SPTBN2: variants seen among roughly 807,000 people sequenced by gnomAD.
SPTBN2 encodes the protein spectrin beta chain, non-erythrocytic 2.
In SPTBN2, 107 loss-of-function variants were observed where a neutral mutation model predicts 284.2. That is an observed-to-expected ratio of 0.38 (90% CI 0.32 to 0.44). The LOEUF is 0.44. Ranked by LOEUF, SPTBN2 falls within the 20% of genes least tolerant of loss-of-function variation. The pLI, the probability that SPTBN2 is intolerant of heterozygous loss-of-function variation, is 1.00. For synonymous variants in SPTBN2, 1,289 were observed against 1,354.8 expected, an observed-to-expected ratio of 0.95 and a Z score of 1.07; for missense variants, 2,569 against 3,287.1, an observed-to-expected ratio of 0.78 and a Z score of 5.34.
At position 66,692,618 on chromosome 11, in the gene SPTBN2, A is replaced by G; in HGVS notation, c.5108T>C (p.Leu1703Pro). ...CTGGATCCACTGTTCCAGGTCATCC[A>G]GCTCGCGGCGGAGCTGGCACAGCCG... ...HLRLCQLRRE[L>P]DDLEQWIQER... Residue 1703 changes from leucine to proline, a missense_variant, in exon 26 of 38, where the codon CTG becomes CCG. By Grantham distance (98) the Leu-to-Pro change is moderately conservative (BLOSUM62 -3). This residue lies in a region of SPTBN2 where 1,130 missense variants were observed against 1,317.3 expected (regional missense o/e 0.86). Transcript: ENST00000533211. The G allele has an allele frequency of 6.2e-7, 1 of 1,606,552 alleles. No individual in the cohort carries two copies. The highest frequency in any genetic ancestry group is 1.1e-5 in the South Asian group (1 of 91,078).
chr11:66,695,147 G>A (rs1280294559), intron 21 of SPTBN2, among the ~76,000 whole-genome samples: 5 of 151,874 alleles, frequency 3.3e-5, no homozygotes, highest in African/African-American at 1.2e-4. Flanking sequence ...CAACCCCAGA[G>A]GTGTCAGCTG....
In SPTBN2 at chr11:66,691,541, C is replaced by T. The variant is rs372114770; in HGVS notation, c.5308G>A (p.Ala1770Thr). 3 of 1,613,150 alleles carry T rather than the reference C, an allele frequency of 1.9e-6. No individual in the cohort carries two copies. Among genetic ancestry groups the T allele is most frequent in the African/African-American group, 2.7e-5 (2 of 75,080 alleles). ...GLIAGGHAARATVAEWKDSLN... is the reference protein window; with the variant it reads ...GLIAGGHAARTTVAEWKDSLN... ...CTGTCCTTCCACTCGGCCACGGTGGCCCGTGCAGCATGGCCCCCAGCAATG... is the reference window on the plus strand; with the variant it reads ...CTGTCCTTCCACTCGGCCACGGTGGTCCGTGCAGCATGGCCCCCAGCAATG... The change falls in exon 27 of 38, where the codon GCC (alanine) becomes ACC (threonine). Residue 1770 changes from alanine (A) to threonine (T), a missense_variant. Coordinates refer to ENST00000533211, the MANE Select transcript of SPTBN2 (RefSeq NM_006946.4). The surrounding 1 kb of genome is among the most constrained non-coding windows in gnomAD (Gnocchi z 8.0).
upstream of SPTBN2, among the ~76,000 whole-genome samples, chr11:66,732,345 A>G (rs541687552): frequency 6.6e-6 from 1 of 152,316 alleles, no homozygotes; most frequent in African/African-American, 2.4e-5. Flanking sequence ...CACATGGTGT[A>G]CATAGGAAAT....
intron 21 of SPTBN2, 69 bp from the exon 22 acceptor site, chr11:66,694,432 A>G (rs1347257749): frequency 2.7e-6 from 4 of 1,480,144 alleles, no homozygotes; most frequent in African/African-American, 1.4e-5. Flanking sequence ...AGAGACACCA[A>G]CCAGTCTCTA....
Position 66,693,964 on chromosome 11 carries a change from G to A in SPTBN2, c.4504-103C>T, listed in dbSNP as rs1389378595. On this transcript the variant is annotated intron_variant, in intron 22 of 37. Coordinates refer to ENST00000533211, the MANE Select transcript of SPTBN2 (RefSeq NM_006946.4). The surrounding 1 kb of genome is among the most constrained non-coding windows in gnomAD (Gnocchi z 5.7). ...ACCTGGGGCTACCGCCCTGTGTGTG[G>A]GGAACAGTCATCTCTGGTTCTGGGA... 17 of 1,325,028 alleles carry A rather than the reference G, an allele frequency of 1.3e-5. No individual in the cohort carries two copies. The highest frequency in any genetic ancestry group is 1.7e-5 in the Non-Finnish European group (16 of 946,930). The allele number at this position is 1,325,028 out of a possible 1,614,324, so 82.1% of individuals were successfully genotyped here. A position where few individuals can be genotyped will look rare whatever the true frequency, so the allele number is the denominator to read the frequency against.
At chr11:66,727,335 T>C (rs1461874607) in intron 1 of SPTBN2, among the ~76,000 whole-genome samples, 1 of 152,186 alleles carries the variant, frequency 6.6e-6, no homozygotes, top group Admixed American at 6.5e-5. Context: ...GCGTTGGAAC[T>C]GTGGCTGCTC....
At chr11:66,686,473 G>A in intron 36 of SPTBN2, 33 bp from the exon 37 acceptor site, 1 of 1,613,170 alleles carries the variant, frequency 6.2e-7, no homozygotes, top group Non-Finnish European at 8.5e-7. Context: ...GGGCAGAGCT[G>A]AGAATCCGGA....
intron 15 of SPTBN2, 123 bp from the exon 16 acceptor site, chr11:66,701,844 G>T: frequency 1.5e-6 from 2 of 1,374,272 alleles, no homozygotes; most frequent in Non-Finnish European, 2.0e-6. Context: ...ATCTGCAGGA[G>T]TCTCTCTGCC....
At position 66,708,401 on chromosome 11, in the gene SPTBN2, C is replaced by T. The variant is rs982533344; in HGVS notation, c.1192-102G>A. On this transcript the variant is annotated intron_variant, in intron 11 of 37. Coordinates refer to ENST00000533211, the MANE Select transcript of SPTBN2 (RefSeq NM_006946.4). This position sits in a 1 kb window ranked among gnomAD's most constrained non-coding sequence, Gnocchi z 4.4. The stretch of plus-strand genomic sequence containing the variant: ...CCATGGAAGCTCGGTCTGGTGGATC[C>T]GTGGAATGCAGTGGGTGAGACGCCT... 8.9e-6 allele frequency: 11 copies of T among 1,231,976 alleles called. No homozygotes were observed. Among genetic ancestry groups the T allele is most frequent in the Admixed American group, 8.4e-5 (3 of 35,740 alleles). 76.3% of individuals were successfully genotyped at this position (1,231,976 alleles called of 1,614,324 possible). A position where few individuals can be genotyped will look rare whatever the true frequency, so the allele number is the denominator to read the frequency against.
chr11:66,685,860 C>T lies in SPTBN2; in HGVS notation c.*11G>A. The T allele has an allele frequency of 1.2e-6, 2 of 1,612,632 alleles. No individual in the cohort carries two copies. The highest frequency in any genetic ancestry group is 1.7e-6 in the Non-Finnish European group (2 of 1,179,252). On this transcript the variant is annotated 3_prime_UTR_variant, in exon 38 of 38. Transcript: ENST00000533211. This position sits in a 1 kb window ranked among gnomAD's most constrained non-coding sequence, Gnocchi z 4.4. ...CGGAGGGAGGGAGTTGGCCTGGGAC[C>T]TTGCCCCCAACTACTTGTTCTTCTT...
At chr11:66,723,851 C>T (rs1216101518) in intron 1 of SPTBN2, among the ~76,000 whole-genome samples, 2 of 152,168 alleles carry the variant, frequency 1.3e-5, no homozygotes, top group South Asian at 2.1e-4. Flanking sequence ...AGCTTCTAGA[C>T]GGGAAAGTAG....
At chr11:66,721,666 G>A (rs1198779044) in intron 1 of SPTBN2, among the ~76,000 whole-genome samples, 1 of 152,158 alleles carries the variant, frequency 6.6e-6, no homozygotes, top group African/African-American at 2.4e-5. Flanking sequence ...TGACTAGAAA[G>A]TGGCATTCTT....
chr11:66,733,675 T>C (rs1307922367), upstream of SPTBN2, among the ~76,000 whole-genome samples: 1 of 152,116 alleles, frequency 6.6e-6, no homozygotes, highest in Non-Finnish European at 1.5e-5. Context: ...TAGAAATAGA[T>C]GGTAATTGAA....
rs1303593971 is a variant in SPTBN2, at chr11:66,700,934, C to T, written c.3165G>A (p.Arg1055=). Reference sequence around the variant, plus strand: ...CCTCCCCCAGCGACTCTTCTCGACGCCGCATGGTGGCCCTGAGGTCCTCCC... The same window carrying T: ...CCTCCCCCAGCGACTCTTCTCGACGTCGCATGGTGGCCCTGAGGTCCTCCC... ...TGWEDLRATM[R]RREESLGEAR... is the part of the protein sequence containing the mutation. Residue 1055 remains arginine (R), a synonymous_variant, in exon 17 of 38, where the codon CGG becomes CGA. Transcript: ENST00000533211. This position sits in a 1 kb window ranked among gnomAD's most constrained non-coding sequence, Gnocchi z 6.6. 10 of 1,603,200 alleles carry T rather than the reference C, an allele frequency of 6.2e-6. No individual in the cohort carries two copies. Among genetic ancestry groups the T allele is most frequent in the South Asian group, 5.5e-5 (5 of 91,084 alleles).
chr11:66,687,210 C>T lies in SPTBN2; in HGVS notation c.6723-43G>A, dbSNP rs766577701. The T allele has an allele frequency of 4.5e-5, 73 of 1,609,956 alleles. No homozygotes were observed. Among genetic ancestry groups the T allele is most frequent in the Non-Finnish European group, 1.7e-5 (20 of 1,179,314 alleles). On this transcript the variant is annotated intron_variant, in intron 35 of 37. Transcript: ENST00000533211. The surrounding 1 kb of genome is among the most constrained non-coding windows in gnomAD (Gnocchi z 5.2). ...CTGACTGGCCGGCCTCAGTGGCGCC[C>T]GCAACCTGGAGCCCTCTTGGGTGTC... is the stretch of plus-strand genomic sequence containing the variant.
At chr11:66,730,082 G>A (rs974303262), upstream of SPTBN2, among the ~76,000 whole-genome samples, 1 of 152,046 alleles carries the variant, frequency 6.6e-6, no homozygotes, top group African/African-American at 2.4e-5. Context: ...GATTACAGAC[G>A]TGAGCTGCCG....
rs1179904186 is a variant in SPTBN2 at position 66,740,034 on chromosome 11, A to G, written c.-475+4508T>C. On this transcript the variant is annotated intron_variant, in intron 1 of 37. Coordinates refer to the SPTBN2 transcript ENST00000611817. ...GCAACAAGAACAAAACTCCTTCAAA[A>G]AAAAGCCAGTTACACAGGGCAGAAC... Among the ~76,000 whole-genome samples, 4 of 152,192 alleles carry G rather than the reference A, an allele frequency of 2.6e-5. No homozygotes were observed. The East Asian group carries it at 5.8e-4, about 22-fold the overall frequency.
In SPTBN2 at chr11:66,684,397, G is replaced by A. The variant is rs1939972978; in HGVS notation, c.*1474C>T. Among the ~76,000 whole-genome samples the A allele has an allele frequency of 6.6e-6, 1 of 152,194 alleles. No homozygotes were observed. Among genetic ancestry groups the A allele is most frequent in the South Asian group, 2.1e-4 (1 of 4,828 alleles). On this transcript the variant is annotated 3_prime_UTR_variant, in exon 38 of 38. Transcript: ENST00000533211. ...ACGCCTGTAATCCCAACAGTTTGAG[G>A]CCAAGGTGAGAGAATCACTTGGGCC...
chr11:66,686,729 C>T lies in SPTBN2; in HGVS notation c.6896+265G>A, dbSNP rs767806899. ...CAGGCCCCTGGAGGTCTTCCCAGAT[C>T]CCTACCTTTGGATTTCCCACCCTGG... On this transcript the variant is annotated intron_variant, in intron 36 of 37. Transcript: ENST00000533211. 9.9e-4 allele frequency: 630 copies of T among 634,818 alleles called. 1 individual carries two copies. Among genetic ancestry groups the T allele is most frequent in the Non-Finnish European group, 1.5e-3 (534 of 365,230 alleles). 39.3% of individuals were successfully genotyped at this position (634,818 alleles called of 1,614,324 possible).
Sources: allele counts gnomAD v4.1 joint callset (sites outside exome capture counted in the v4.1 genomes callset), GRCh38; gene constraint gnomAD v4.1.1; regional missense constraint gnomAD v4.1.1; non-coding constraint Gnocchi (gnomAD v3.1); transcripts MANE v1.5; gene names NCBI Gene and HGNC (gene_info 2026-07-23, HGNC 2026-07-21).